LRRC4C: variants seen among roughly 807,000 people sequenced by gnomAD.
LRRC4C encodes leucine rich repeat containing 4C.
A neutral mutation model predicts 33.6 loss-of-function variants in LRRC4C; 5 were observed. The ratio of observed to expected loss-of-function variants is 0.15; its 90% CI spans 0.08 to 0.31. The LOEUF is 0.31. Ranked by LOEUF, LRRC4C falls within the 10% of genes least tolerant of loss-of-function variation. The pLI is 1.00. For missense variants in LRRC4C, 560 were observed against 796.7 expected, an observed-to-expected ratio of 0.70 and a Z score of 3.58; for synonymous variants, 329 against 302.0, an observed-to-expected ratio of 1.09 and a Z score of -0.93.
chr11:40,567,220 A>G (rs990854930), intron 3 of LRRC4C, among the ~76,000 whole-genome samples: 1 of 152,174 alleles, frequency 6.6e-6, no homozygotes, highest in South Asian at 2.1e-4. Flanking sequence ...ACTTGGAGTG[A>G]TATAAAATGG....
chr11:40,433,092 G>A (rs1351545230), intron 3 of LRRC4C, among the ~76,000 whole-genome samples: 1 of 151,988 alleles, frequency 6.6e-6, no homozygotes, highest in Non-Finnish European at 1.5e-5. Context: ...CTTACACACA[G>A]CAGACACACT....
intron 5 of LRRC4C, among the ~76,000 whole-genome samples, chr11:40,155,861 A>G (rs2135289035): frequency 1.3e-5 from 2 of 152,318 alleles, no homozygotes; most frequent in Middle Eastern, 3.4e-3. Context: ...TGAAGCCAGC[A>G]TCACCCTAAT....
intron 1 of LRRC4C, among the ~76,000 whole-genome samples, chr11:41,442,444 T>TTTG (rs1199905227): frequency 6.8e-6 from 1 of 147,398 alleles, no homozygotes; most frequent in Non-Finnish European, 1.5e-5. Context: ...GTTCTCTCTC[T>TTTG]TTGTTGCTTT....
chr11:40,122,962 C>T (rs1590428963), intron 6 of LRRC4C, among the ~76,000 whole-genome samples: 1 of 136,692 alleles, frequency 7.3e-6, no homozygotes, highest in African/African-American at 2.9e-5. Context: ...TACACACACA[C>T]ACACACACAC....
chr11:41,112,091 G>A (rs996398768), intron 1 of LRRC4C, among the ~76,000 whole-genome samples: 2 of 151,946 alleles, frequency 1.3e-5, no homozygotes, highest in Admixed American at 6.6e-5. Flanking sequence ...ATCAGACAAG[G>A]TTAATTTGCT....
At chr11:40,535,291 C>T (rs1036430516) in intron 3 of LRRC4C, among the ~76,000 whole-genome samples, 9 of 152,120 alleles carry the variant, frequency 5.9e-5, no homozygotes, top group Admixed American at 1.3e-4. Flanking sequence ...AGCATTCGAT[C>T]TGCAATTTTT....
chr11:41,054,134 T>C (rs947484265), intron 1 of LRRC4C, among the ~76,000 whole-genome samples: 14 of 152,208 alleles, frequency 9.2e-5, no homozygotes, highest in Non-Finnish European at 1.9e-4. Flanking sequence ...TTATGTATTT[T>C]CTAATTCTCA....
Position 40,154,444 on chromosome 11 carries a change from CAACT to C in LRRC4C, c.-95-13595_-95-13592del, listed in dbSNP as rs572245143. On this transcript the variant is annotated intron_variant, in intron 5 of 6. Coordinates refer to ENST00000528697, the MANE Select transcript of LRRC4C (RefSeq NM_001258419.2). ...GCAGAATGGATAAGAACTCACCAACCAACTATCTGCTACCTTCAGGAGACTCACC... is the reference window on the plus strand; with the variant it reads ...GCAGAATGGATAAGAACTCACCAACCATCTGCTACCTTCAGGAGACTCACC... Among the ~76,000 whole-genome samples the C allele has an allele frequency of 1.5e-4, 23 of 152,182 alleles. No individual in the cohort carries two copies. The East Asian group carries it at 4.4e-3, about 29-fold the overall frequency.
chr11:41,447,506 T>G (rs955426801), intron 1 of LRRC4C, among the ~76,000 whole-genome samples: 3 of 152,194 alleles, frequency 2.0e-5, no homozygotes, highest in African/African-American at 7.2e-5. Context: ...TGGTGGATAC[T>G]TTGCCTTTCA....
chr11:41,254,874 G>A (rs957432279), intron 1 of LRRC4C, among the ~76,000 whole-genome samples: 2 of 151,952 alleles, frequency 1.3e-5, no homozygotes, highest in East Asian at 3.9e-4. Flanking sequence ...TATCATCCTA[G>A]ACTGCCAAAT....
At chr11:40,624,108 C>A (rs1028275938) in intron 3 of LRRC4C, among the ~76,000 whole-genome samples, 7 of 151,984 alleles carry the variant, frequency 4.6e-5, no homozygotes, top group Non-Finnish European at 1.0e-4. Flanking sequence ...ATAGAGAGTA[C>A]CTGGGAAAGA....
chr11:40,685,826 G>A (rs1160741826), intron 2 of LRRC4C, among the ~76,000 whole-genome samples: 1 of 151,908 alleles, frequency 6.6e-6, no homozygotes, highest in Non-Finnish European at 1.5e-5. Context: ...CAAACACAGA[G>A]AGAGAGAGGA....
At chr11:40,567,913 C>T (rs2135547030) in intron 3 of LRRC4C, among the ~76,000 whole-genome samples, 1 of 152,294 alleles carries the variant, frequency 6.6e-6, no homozygotes, top group African/African-American at 2.4e-5. Flanking sequence ...CCCTTTACCT[C>T]AAAGCTATAT....
chr11:40,447,679 C>G (rs1489287603), intron 3 of LRRC4C, among the ~76,000 whole-genome samples: 1 of 152,182 alleles, frequency 6.6e-6, no homozygotes, highest in East Asian at 1.9e-4. Context: ...TCTAAGCAAA[C>G]TCTCCGTCTC....
At chr11:40,236,312 G>C (rs1039714534) in intron 5 of LRRC4C, among the ~76,000 whole-genome samples, 1 of 152,230 alleles carries the variant, frequency 6.6e-6, no homozygotes, top group Non-Finnish European at 1.5e-5. Context: ...GGAGCTATAG[G>C]TCCTATCAAA....
rs981041716 is a variant in LRRC4C at position 40,664,052 on chromosome 11, T to G, written c.-406-15774A>C. On this transcript the variant is annotated intron_variant, in intron 2 of 6. Transcript: ENST00000528697. ...ATTTGAAGCCAATGAATAAACTTGATCCAATTACATATATAGAGCACTTTA... is the reference window on the plus strand; with the variant it reads ...ATTTGAAGCCAATGAATAAACTTGAGCCAATTACATATATAGAGCACTTTA... 3.9e-5 allele frequency among the ~76,000 whole-genome samples: 6 copies of G among 152,146 alleles called. No individual in the cohort carries two copies. In the East Asian group the frequency reaches 1.2e-3, roughly 29 times the overall value.
intron 4 of LRRC4C, among the ~76,000 whole-genome samples, chr11:40,285,051 A>C (rs1438043243): frequency 6.6e-6 from 1 of 152,166 alleles, no homozygotes; most frequent in Non-Finnish European, 1.5e-5. Context: ...AAACAGTAGT[A>C]ACCACCATTT....
chr11:40,257,647 G>A (rs1354687445), intron 4 of LRRC4C, among the ~76,000 whole-genome samples: 2 of 152,062 alleles, frequency 1.3e-5, no homozygotes, highest in African/African-American at 4.8e-5. Flanking sequence ...CATAAAAGAC[G>A]GCTTAGTAAA....
chr11:40,410,637 C>T (rs983519838), intron 3 of LRRC4C, among the ~76,000 whole-genome samples: 2 of 152,062 alleles, frequency 1.3e-5, no homozygotes, highest in Non-Finnish European at 2.9e-5. Context: ...TGGGTGTCTC[C>T]ATGATCTAAG....
Sources: gnomAD v4.1 joint callset for allele counts (sites outside exome capture counted in the v4.1 genomes callset) on GRCh38, gnomAD v4.1.1 for gene constraint, MANE v1.5 for transcripts, NCBI Gene and HGNC (gene_info 2026-07-23, HGNC 2026-07-21) for gene names.